The following PMPCA variants were observed in gnomAD, a reference collection of about 807,000 sequenced individuals.
The protein encoded by PMPCA is mitochondrial-processing peptidase subunit alpha.
A neutral mutation model predicts 59.3 loss-of-function variants in PMPCA; 47 were observed. That is an observed-to-expected ratio of 0.79 (90% CI 0.63 to 1.01). The LOEUF is 1.01. Among genes scored for constraint, PMPCA ranks in the 50% least tolerant of loss-of-function variants. The pLI is 0.00. For missense variants in PMPCA, 726 were observed against 704.5 expected, an observed-to-expected ratio of 1.03 and a Z score of -0.34; for synonymous variants, 338 against 290.3, an observed-to-expected ratio of 1.16 and a Z score of -1.67.
At position 136,412,588 on chromosome 9, in the gene PMPCA, A is replaced by G. The variant is rs1201421752; in HGVS notation, c.354+19A>G. On this transcript the variant is annotated intron_variant, in intron 3 of 12. Transcript: ENST00000371717. ...ATTTTCGGTCAGTACCCAGTTTTGTAATTTTTTAGACTATACTTTTGAAGG... is the reference window on the plus strand; with the variant it reads ...ATTTTCGGTCAGTACCCAGTTTTGTGATTTTTTAGACTATACTTTTGAAGG... 4.6e-6 allele frequency: 6 copies of G among 1,299,176 alleles called. No individual in the cohort carries two copies. In the East Asian group the frequency reaches 1.4e-4, roughly 30 times the overall value. The allele number at this position is 1,299,176 out of a possible 1,614,324, so 80.5% of individuals were successfully genotyped here. A position where few individuals can be genotyped will look rare whatever the true frequency, so the allele number is the denominator to read the frequency against.
intron 1 of PMPCA, 103 bp from the exon 2 acceptor site, chr9:136,411,894 G>C: frequency 1.4e-6 from 1 of 720,238 alleles, no homozygotes; most frequent in South Asian, 1.5e-5. Context: ...AAAGGCAGAT[G>C]CTCACTTTTA....
At chr9:136,414,471 C>T (rs1835217660) in intron 4 of PMPCA, 82 bp from the exon 5 acceptor site, 2 of 900,280 alleles carry the variant, frequency 2.2e-6, no homozygotes, top group South Asian at 1.3e-5. Context: ...GTCCACCTGG[C>T]ACGCAAAGCC....
intron 5 of PMPCA, among the ~76,000 whole-genome samples, chr9:136,415,777 C>T (rs1285271045): frequency 3.3e-5 from 5 of 152,182 alleles, no homozygotes; most frequent in African/African-American, 4.8e-5. Flanking sequence ...GGATTACAGG[C>T]GCCCGCCACC....
intron 5 of PMPCA, 120 bp downstream of exon 5, chr9:136,414,767 C>T (rs566576703): frequency 2.9e-6 from 2 of 678,424 alleles, no homozygotes; most frequent in African/African-American, 3.5e-5. Context: ...TAGGCCAACA[C>T]AAAGTGACAG....
chr9:136,422,878 A>C, intron 12 of PMPCA: 2 of 1,377,306 alleles, frequency 1.5e-6, no homozygotes, highest in Non-Finnish European at 1.9e-6. Context: ...TTTTTAAGTC[A>C]TTGCCATGTC....
chr9:136,422,990 G>T, intron 12 of PMPCA, 105 bp from the exon 13 acceptor site: 2 of 1,473,764 alleles, frequency 1.4e-6, no homozygotes, highest in South Asian at 1.4e-5. Context: ...AGCACAGCGT[G>T]AGTGAGTGGT....
chr9:136,418,161 C>T (rs369084281), intron 8 of PMPCA, 52 bp downstream of exon 8: 6 of 1,299,320 alleles, frequency 4.6e-6, no homozygotes, highest in Non-Finnish European at 6.7e-6. Context: ...GTGGCCGGCT[C>T]AGCCAGCCCT....
intron 8 of PMPCA, among the ~76,000 whole-genome samples, 165 bp from the exon 9 acceptor site, chr9:136,418,390 G>A (rs572700885): frequency 3.3e-5 from 5 of 150,832 alleles, no homozygotes; most frequent in South Asian, 4.2e-4. Flanking sequence ...CGCTCCTGAC[G>A]CGGCATGGGT....
intron 5 of PMPCA, 173 bp from the exon 6 acceptor site, chr9:136,416,118 A>T (rs917865379): frequency 3.3e-6 from 2 of 608,392 alleles, no homozygotes; most frequent in African/African-American, 3.7e-5. Context: ...TGCTCCCTGT[A>T]GCAGTCCCCC....
intron 12 of PMPCA, chr9:136,422,678 A>C (rs1835491894): frequency 9.7e-7 from 1 of 1,035,334 alleles, no homozygotes; most frequent in African/African-American, 1.7e-5. Flanking sequence ...AAACAGACCC[A>C]CCTGGACCCT....
At chr9:136,419,322 C>T (rs1290354775) in intron 11 of PMPCA, 27 of 621,502 alleles carry the variant, frequency 4.3e-5, no homozygotes, top group South Asian at 9.2e-5. Context: ...GTCCAAACCC[C>T]GAAAACAGAA....
rs145488776 is a variant in PMPCA at position 136,414,897 on chromosome 9, G to A, written c.532+250G>A. On this transcript the variant is annotated intron_variant, in intron 5 of 12. Coordinates refer to ENST00000371717, the MANE Select transcript of PMPCA (RefSeq NM_015160.3). ...GCCCAGGAGTTTGAGACCAGCCTGG[G>A]CAACATGGTGAAACCCTGTCTCTAC... Among the ~76,000 whole-genome samples the A allele has an allele frequency of 5.4e-3, 817 of 152,228 alleles. 5 individuals carry two copies. The highest frequency in any genetic ancestry group is 0.019 in the African/African-American group (774 of 41,536).
chr9:136,416,748 CT>C (rs1371354137), intron 6 of PMPCA: 1 of 594,302 alleles, frequency 1.7e-6, no homozygotes, highest in African/African-American at 1.9e-5. Flanking sequence ...TAATCTTAGG[CT>C]TTTTGTGAAT....
chr9:136,410,780 C>A, intron 1 of PMPCA, 41 bp downstream of exon 1: 1 of 1,356,318 alleles, frequency 7.4e-7, no homozygotes, highest in Non-Finnish European at 9.5e-7. Context: ...GGGGCGGGGG[C>A]GGCTCGAGTC....
At chr9:136,412,321 C>A (rs73566911) in intron 2 of PMPCA, 122 bp downstream of exon 2, 1 of 853,082 alleles carries the variant, frequency 1.2e-6, no homozygotes, top group Non-Finnish European at 2.0e-6. Context: ...ACAAAGTGTA[C>A]GATTTCATAA....
rs750424974 is a variant in PMPCA at position 136,421,838 on chromosome 9, C to G, written c.1270C>G (p.Leu424Val). The G allele has an allele frequency of 3.8e-6, 6 of 1,587,142 alleles. No homozygotes were observed. Among genetic ancestry groups the G allele is most frequent in the Non-Finnish European group, 5.2e-6 (6 of 1,162,442 alleles). ...GACTGGACCCTGGCCCCAGGTGGAG[C>G]TGGAACGAGCCAAGACGCAGCTGAC... ...LMGGTVDTVE[L>V]ERAKTQLTSM... The change falls in exon 12 of 13, where the codon CTG becomes GTG. Residue 424 changes from leucine to valine, a missense_variant. Leu to Val is a conservative substitution (Grantham distance 32). Transcript: ENST00000371717.
chr9:136,422,863 C>T (rs1394166346), intron 12 of PMPCA: 1 of 1,356,632 alleles, frequency 7.4e-7, no homozygotes, highest in Admixed American at 3.0e-5. Context: ...TGGCTTTGTC[C>T]TATATTTTTA....
intron 2 of PMPCA, 24 bp downstream of exon 2, chr9:136,412,223 G>T (rs781044200): frequency 1.9e-6 from 3 of 1,549,256 alleles, no homozygotes; most frequent in African/African-American, 1.4e-5. Flanking sequence ...TGTTGTCGTG[G>T]GTGGTCCCGC....
intron 12 of PMPCA, chr9:136,422,834 A>G (rs1337958987): frequency 7.8e-7 from 1 of 1,275,300 alleles, no homozygotes; most frequent in Non-Finnish European, 1.0e-6. Flanking sequence ...GCTCTTCTGT[A>G]AGTGTAACTC....
Sources: allele counts gnomAD v4.1 joint callset (sites outside exome capture counted in the v4.1 genomes callset), GRCh38; gene constraint gnomAD v4.1.1; transcripts MANE v1.5; gene names NCBI Gene and HGNC (gene_info 2026-07-23, HGNC 2026-07-21).